The following SPTLC1 variants were observed in gnomAD, a reference collection of about 807,000 sequenced individuals.
SPTLC1 encodes the protein serine palmitoyltransferase long chain base subunit 1.
Under a neutral mutation model 68.9 loss-of-function variants are expected in SPTLC1, and 55 were observed. That is an observed-to-expected ratio of 0.80 (90% CI 0.64 to 1.00). The LOEUF (loss-of-function observed/expected upper bound fraction) is 1.00. SPTLC1 is among the 50% of genes least tolerant of loss of function. The probability of loss-of-function intolerance (pLI) is 0.00; values close to 1 mark genes in which losing one functional copy is unlikely to be tolerated. For missense variants in SPTLC1, 449 were observed against 573.1 expected, an observed-to-expected ratio of 0.78 and a Z score of 2.21; for synonymous variants, 197 against 201.6, an observed-to-expected ratio of 0.98 and a Z score of 0.19.
intron 3 of SPTLC1, among the ~76,000 whole-genome samples, chr9:92,088,079 C>T (rs1835222941): frequency 6.6e-6 from 1 of 152,194 alleles, no homozygotes; most frequent in South Asian, 2.1e-4. Context: ...CCTGGTGGGC[C>T]GTTTTTTAAG....
intron 7 of SPTLC1, among the ~76,000 whole-genome samples, chr9:92,058,295 C>A (rs1298375636): frequency 6.6e-6 from 1 of 151,334 alleles, no homozygotes; most frequent in African/African-American, 2.5e-5. Context: ...ATGAATAATG[C>A]AAATATTTGG....
chr9:92,080,250 T>C (rs1834831252), intron 4 of SPTLC1, among the ~76,000 whole-genome samples, 162 bp from the exon 5 acceptor site: 1 of 152,260 alleles, frequency 6.6e-6, no homozygotes, highest in South Asian at 2.1e-4. Context: ...ACTTAAAATA[T>C]GGAAAAGTTA....
At chr9:92,087,125 A>T (rs1170114250) in intron 3 of SPTLC1, among the ~76,000 whole-genome samples, 1 of 152,046 alleles carries the variant, frequency 6.6e-6, no homozygotes, top group Admixed American at 6.5e-5. Context: ...TGTATTGGTT[A>T]TTCTAGTTAT....
At chr9:92,104,695 G>T (rs1261404853) in intron 3 of SPTLC1, 45 of 1,528,324 alleles carry the variant, frequency 2.9e-5, no homozygotes, top group Non-Finnish European at 3.9e-5. Flanking sequence ...TGAAAGACCA[G>T]GTAGAGACCC....
intron 5 of SPTLC1, among the ~76,000 whole-genome samples, chr9:92,073,619 CTTATTCTTAACATGCATTTTA>C (rs1834574579): frequency 6.6e-6 from 1 of 151,168 alleles, no homozygotes; most frequent in Non-Finnish European, 1.5e-5. Flanking sequence ...AGAAGGCCGC[CTTATTCTTAACATGCATTTTA>C]TTACCCAGTC....
intron 3 of SPTLC1, among the ~76,000 whole-genome samples, chr9:92,085,759 C>T (rs1242605122): frequency 6.6e-6 from 1 of 151,966 alleles, no homozygotes; most frequent in Admixed American, 6.6e-5. Context: ...CTGTTAGGTC[C>T]CCTTGGTGCA....
intron 5 of SPTLC1, among the ~76,000 whole-genome samples, chr9:92,068,819 C>A (rs1033204039): frequency 2.0e-5 from 3 of 152,332 alleles, no homozygotes; most frequent in Middle Eastern, 3.4e-3. Flanking sequence ...AGGCTTCATG[C>A]CCTCGGACGG....
At chr9:92,082,504 C>T (rs1308287890) in intron 3 of SPTLC1, among the ~76,000 whole-genome samples, 3 of 149,172 alleles carry the variant, frequency 2.0e-5, no homozygotes, top group South Asian at 2.1e-4. Context: ...GTTTTTTGTC[C>T]TTGCGATAGT....
chr9:92,042,576 G>A (rs1026317269), intron 12 of SPTLC1, among the ~76,000 whole-genome samples: 1 of 152,104 alleles, frequency 6.6e-6, no homozygotes, highest in Non-Finnish European at 1.5e-5. Flanking sequence ...AGGTACAAGG[G>A]CTTTATAGGA....
chr9:92,079,779 C>T (rs982056843), intron 5 of SPTLC1: 3 of 650,744 alleles, frequency 4.6e-6, no homozygotes, highest in African/African-American at 1.8e-5. Context: ...ACGCTGCAAT[C>T]CCCACACATG....
chr9:92,108,968 T>G, intron 2 of SPTLC1, 134 bp from the exon 3 acceptor site: 7 of 1,375,164 alleles, frequency 5.1e-6, no homozygotes, highest in Non-Finnish European at 6.0e-6. Flanking sequence ...TTATTCAAGC[T>G]TATGTCTTCA....
At position 92,040,960 on chromosome 9, in the gene SPTLC1, G is replaced by A. The variant is rs369552462; in HGVS notation, c.1137-2595C>T. Among the ~76,000 whole-genome samples the A allele has an allele frequency of 3.9e-5, 6 of 152,214 alleles. No homozygotes were observed. In the East Asian group the frequency reaches 9.7e-4, roughly 24 times the overall value. Reference sequence around the variant, plus strand: ...GACACAGTTATAGCTTGAGTTCAGCGAAGCCGTGTTTCAGAGTCTATTATA... The same window carrying A: ...GACACAGTTATAGCTTGAGTTCAGCAAAGCCGTGTTTCAGAGTCTATTATA... On this transcript the variant is annotated intron_variant, in intron 12 of 14. Coordinates refer to ENST00000262554, the MANE Select transcript of SPTLC1 (RefSeq NM_006415.4).
intron 7 of SPTLC1, among the ~76,000 whole-genome samples, chr9:92,057,867 G>A (rs1382883873): frequency 1.3e-5 from 2 of 152,056 alleles, no homozygotes; most frequent in Non-Finnish European, 2.9e-5. Flanking sequence ...GTAGAAATAA[G>A]TTTCAAGATA....
chr9:92,086,543 TTTTC>T (rs1223485467), intron 3 of SPTLC1, among the ~76,000 whole-genome samples: 4 of 152,252 alleles, frequency 2.6e-5, no homozygotes, highest in Non-Finnish European at 5.9e-5. Flanking sequence ...TTGAAAATTC[TTTTC>T]TTTAAGAATG....
chr9:92,083,088 TTTG>T (rs1482323728), intron 3 of SPTLC1, among the ~76,000 whole-genome samples: 1 of 151,172 alleles, frequency 6.6e-6, no homozygotes, highest in Non-Finnish European at 1.5e-5. Flanking sequence ...GATGGGATTG[TTTG>T]TTTTTTTCTT....
chr9:92,097,473 C>T (rs1032897377), intron 3 of SPTLC1, among the ~76,000 whole-genome samples: 4 of 152,180 alleles, frequency 2.6e-5, no homozygotes, highest in African/African-American at 9.7e-5. Context: ...TGTGTGTATC[C>T]ATACACTGAA....
intron 6 of SPTLC1, among the ~76,000 whole-genome samples, chr9:92,061,614 C>T (rs1361666828): frequency 6.6e-6 from 1 of 152,132 alleles, no homozygotes; most frequent in African/African-American, 2.4e-5. Context: ...TTTTTTTCTC[C>T]TCTGGAGTCT....
At chr9:92,109,009 C>T (rs1335748247) in intron 2 of SPTLC1, 175 bp from the exon 3 acceptor site, 33 of 939,378 alleles carry the variant, frequency 3.5e-5, no homozygotes, top group Non-Finnish European at 4.8e-5. Flanking sequence ...TCGCATAATA[C>T]ATAATGACCC....
Position 92,088,102 on chromosome 9 carries a change from G to A in SPTLC1, c.261-7139C>T, listed in dbSNP as rs935471254. Reference sequence around the variant, plus strand: ...GCCGTTTTTTAAGCGTGTCGGAAAAGCGCAGTATTAGGGTGGGAGTGACCC... The same window carrying A: ...GCCGTTTTTTAAGCGTGTCGGAAAAACGCAGTATTAGGGTGGGAGTGACCC... On this transcript the variant is annotated intron_variant, in intron 3 of 14. Transcript: ENST00000262554. Among the ~76,000 whole-genome samples the A allele has an allele frequency of 3.3e-5, 5 of 152,392 alleles. No individual in the cohort carries two copies. In the East Asian group the frequency reaches 9.6e-4, roughly 29 times the overall value.
Sources: gnomAD v4.1 joint callset for allele counts (sites outside exome capture counted in the v4.1 genomes callset) on GRCh38, gnomAD v4.1.1 for gene constraint, MANE v1.5 for transcripts, NCBI Gene and HGNC (gene_info 2026-07-23, HGNC 2026-07-21) for gene names.